Variants in ETFDH observed in about 807,000 individuals in gnomAD.
ETFDH encodes electron transfer flavoprotein-ubiquinone oxidoreductase, mitochondrial.
Under a neutral mutation model 73.2 loss-of-function variants are expected in ETFDH, and 61 were observed. The ratio of observed to expected loss-of-function variants is 0.83; its 90% CI spans 0.68 to 1.03. ETFDH has a LOEUF of 1.03. ETFDH is among the 50% of genes least tolerant of loss of function. ETFDH has a pLI of 0.00. For missense variants in ETFDH, 685 were observed against 745.0 expected (o/e 0.92, Z 0.94); for synonymous variants, 243 against 253.3 (o/e 0.96, Z 0.39).
At chr4:158,682,453 CT>C in intron 3 of ETFDH, 29 bp downstream of exon 3, 1 of 1,530,452 alleles carries the variant, frequency 6.5e-7, no homozygotes, top group Non-Finnish European at 9.0e-7. Context: ...TATACAAAGT[CT>C]AATCTTTTGT....
chr4:158,703,351 CTGATT>C, intron 9 of ETFDH, 67 bp from the exon 10 acceptor site: 2 of 1,044,766 alleles, frequency 1.9e-6, no homozygotes, highest in Non-Finnish European at 3.0e-6. Flanking sequence ...TACTTTAAGA[CTGATT>C]TGGAGTATTC....
chr4:158,692,399 C>CAAAAA (rs35615738), intron 6 of ETFDH, among the ~76,000 whole-genome samples: 3 of 91,426 alleles, frequency 3.3e-5, no homozygotes, highest in African/African-American at 4.6e-5. Flanking sequence ...GACACCGTCT[C>CAAAAA]AAAAAAAAAA....
At chr4:158,692,575 T>A (rs1177595756) in intron 6 of ETFDH, among the ~76,000 whole-genome samples, 1 of 152,074 alleles carries the variant, frequency 6.6e-6, no homozygotes, top group Non-Finnish European at 1.5e-5. Context: ...GCCAGGTTTG[T>A]AAAGAACTGT....
rs552166031 is a variant in ETFDH, at chr4:158,703,924, C to T, written c.1285+333C>T. On this transcript the variant is annotated intron_variant, in intron 10 of 12. Transcript: ENST00000511912. ...CTAGCCTGGCCCACATGGTGAAACCCCGTCTCTACTAAAAATACAAAAAAA... is the reference window on the plus strand; with the variant it reads ...CTAGCCTGGCCCACATGGTGAAACCTCGTCTCTACTAAAAATACAAAAAAA... 3.9e-5 allele frequency among the ~76,000 whole-genome samples: 6 copies of T among 152,282 alleles called. No homozygotes were observed. The South Asian group carries it at 1.2e-3, about 32-fold the overall frequency.
chr4:158,696,422 C>G (rs1561246070), intron 7 of ETFDH, among the ~76,000 whole-genome samples: 3 of 152,038 alleles, frequency 2.0e-5, no homozygotes, highest in Admixed American at 2.0e-4. Flanking sequence ...AGGAGAACCA[C>G]TTCACTCCAA....
At chr4:158,689,024 G>A (rs1053913928) in intron 5 of ETFDH, among the ~76,000 whole-genome samples, 1 of 152,060 alleles carries the variant, frequency 6.6e-6, no homozygotes, top group East Asian at 1.9e-4. Context: ...CCATTTCAAA[G>A]CAATGGCTCC....
intron 2 of ETFDH, 88 bp from the exon 3 acceptor site, chr4:158,682,107 T>C (rs112021158): frequency 3.2e-6 from 5 of 1,582,836 alleles, no homozygotes; most frequent in Admixed American, 3.3e-5. Context: ...AATAATACTC[T>C]AAAGCACAGT....
At chr4:158,701,922 T>C (rs1287384999) in intron 9 of ETFDH, among the ~76,000 whole-genome samples, 1 of 152,228 alleles carries the variant, frequency 6.6e-6, no homozygotes, top group Non-Finnish European at 1.5e-5. Flanking sequence ...TTACATTGTT[T>C]TTTTTAATCA....
chr4:158,685,750 A>G (rs77621873), intron 5 of ETFDH, among the ~76,000 whole-genome samples: 1,769 of 152,310 alleles, frequency 0.012, 26 homozygotes, highest in African/African-American at 0.038. Flanking sequence ...CATAAGCACA[A>G]GAGAATGATG....
intron 8 of ETFDH, 105 bp from the exon 9 acceptor site, chr4:158,698,882 A>G: frequency 3.8e-6 from 3 of 792,624 alleles, no homozygotes; most frequent in Non-Finnish European, 6.4e-6. Flanking sequence ...ACTTTTGAGT[A>G]AAAGAAATTT....
intron 10 of ETFDH, 113 bp downstream of exon 10, chr4:158,703,704 C>A: frequency 1.4e-6 from 1 of 704,476 alleles, no homozygotes; most frequent in South Asian, 1.6e-5. Context: ...TATTAATAAG[C>A]ATGCTATGCA....
rs1304808196 is a variant in ETFDH, at chr4:158,687,552, T to C, written c.606+2333T>C. Among the ~76,000 whole-genome samples, 3 of 152,170 alleles carry C rather than the reference T, an allele frequency of 2.0e-5. No homozygotes were observed. The East Asian group carries it at 5.8e-4, about 29-fold the overall frequency. On this transcript the variant is annotated intron_variant, in intron 5 of 12. Coordinates refer to ENST00000511912, the MANE Select transcript of ETFDH (RefSeq NM_004453.4). ...TTCTTTCAGTATTCTTGCTGCCCAC[T>C]TCTGAATGGAACCTCTTCTTACCCC...
intron 1 of ETFDH, chr4:158,680,084 C>CAAAAAAAAAAACA (rs1773807299): frequency 1.6e-5 from 1 of 63,058 alleles, no homozygotes; most frequent in African/African-American, 5.8e-5. Context: ...GACTCTGTCT[C>CAAAAAAAAAAACA]AAAAAAAAAA....
intron 3 of ETFDH, among the ~76,000 whole-genome samples, 199 bp from the exon 4 acceptor site, chr4:158,684,393 A>G (rs1476350259): frequency 6.6e-6 from 1 of 150,818 alleles, no homozygotes; most frequent in East Asian, 1.9e-4. Flanking sequence ...CTGTCTCAAA[A>G]AAAAAAAAAA....
In ETFDH at chr4:158,708,470, G is replaced by C; in HGVS notation, c.1797G>C (p.Gln599His). ...CATGTGATATTAAAGATCCAAGTCA[G>C]AATATTAACTGGGTGGTACCTGAAG... is the stretch of plus-strand genomic sequence containing the variant. ...CKTCDIKDPS[Q>H]NINWVVPEGG... Residue 599 changes from glutamine to histidine, a missense_variant, in exon 13 of 13, where the codon CAG (glutamine) becomes CAC (histidine). Gln to His is a conservative substitution (Grantham distance 24). This residue lies in a region of ETFDH where 201 missense variants were observed against 225.2 expected (regional missense o/e 0.89). Coordinates refer to ENST00000511912, the MANE Select transcript of ETFDH (RefSeq NM_004453.4). 2 of 1,613,132 alleles carry C rather than the reference G, an allele frequency of 1.2e-6. No individual in the cohort carries two copies. Among genetic ancestry groups the C allele is most frequent in the Non-Finnish European group, 1.7e-6 (2 of 1,179,104 alleles).
In ETFDH at chr4:158,697,704, G is replaced by T; in HGVS notation, c.972+5G>T. ...CTAGTAGCTCTTGGTCTTGTGGTAA[G>T]TTATATTCCCATTAGGGAAAATTCT... On this transcript the variant is annotated splice_donor_5th_base_variant and intron_variant, in intron 8 of 12. Transcript: ENST00000511912. 1.2e-6 allele frequency: 2 copies of T among 1,612,846 alleles called. No homozygotes were observed. Among genetic ancestry groups the T allele is most frequent in the South Asian group, 2.2e-5 (2 of 91,074 alleles).
intron 8 of ETFDH, 105 bp downstream of exon 8, chr4:158,697,804 T>A: frequency 1.9e-6 from 2 of 1,078,086 alleles, no homozygotes; most frequent in African/African-American, 1.6e-5. Context: ...TGCTTTTTAT[T>A]TAAAGCTTTC....
intron 8 of ETFDH, among the ~76,000 whole-genome samples, chr4:158,698,568 A>G (rs1774373329): frequency 6.6e-6 from 1 of 152,060 alleles, no homozygotes; most frequent in African/African-American, 2.4e-5. Context: ...ATTGGTATTG[A>G]TTAATGTATA....
intron 6 of ETFDH, among the ~76,000 whole-genome samples, chr4:158,694,242 T>C (rs528406692): frequency 2.7e-4 from 41 of 152,326 alleles, no homozygotes; most frequent in Admixed American, 1.7e-3. Flanking sequence ...TCATTCACTA[T>C]TTCTTGAATC....
Sources: gnomAD v4.1 joint callset for allele counts (sites outside exome capture counted in the v4.1 genomes callset) on GRCh38, gnomAD v4.1.1 for gene constraint, gnomAD v4.1.1 regional missense constraint, MANE v1.5 for transcripts, NCBI Gene and HGNC (gene_info 2026-07-23, HGNC 2026-07-21) for gene names.